GFRA1: variants seen among roughly 807,000 people sequenced by gnomAD.
The protein encoded by GFRA1 is GDNF family receptor alpha-1.
In GFRA1, 16 loss-of-function variants were observed where a neutral mutation model predicts 51.6. The ratio of observed to expected loss-of-function variants is 0.31; its 90% CI spans 0.21 to 0.47. GFRA1 has a LOEUF of 0.47. Ranked by LOEUF, GFRA1 falls within the 20% of genes least tolerant of loss-of-function variation. The pLI is 1.00. For synonymous variants in GFRA1, 270 were observed against 241.3 expected (o/e 1.12, Z -1.10); for missense variants, 530 against 594.3 (o/e 0.89, Z 1.13).
Position 116,255,665 on chromosome 10 carries a change from G to C in GFRA1, c.418+13838C>G. The stretch of plus-strand genomic sequence containing the variant: ...TCCACTCCCCACATCCCCACATTCC[G>C]GTCTCTGCCATCCCCTTCCAGAACT... On this transcript the variant is annotated intron_variant, in intron 4 of 10. Coordinates refer to ENST00000355422, the MANE Select transcript of GFRA1 (RefSeq NM_005264.8). 2.3e-6 allele frequency: 3 copies of C among 1,287,106 alleles called. No homozygotes were observed. The African/African-American group carries it at 4.6e-5, about 20-fold the overall frequency. The allele number at this position is 1,287,106 out of a possible 1,614,324, so 79.7% of individuals were successfully genotyped here. A position where few individuals can be genotyped will look rare whatever the true frequency, so the allele number is the denominator to read the frequency against.
At chr10:116,221,888 G>C (rs543768761) in intron 4 of GFRA1, among the ~76,000 whole-genome samples, 32 of 152,104 alleles carry the variant, frequency 2.1e-4, no homozygotes, top group African/African-American at 7.0e-4. Flanking sequence ...CTAAAATATT[G>C]CAACTGTTTC....
intron 4 of GFRA1, among the ~76,000 whole-genome samples, chr10:116,243,108 G>A (rs986131181): frequency 2.6e-5 from 4 of 151,992 alleles, no homozygotes; most frequent in Non-Finnish European, 5.9e-5. Context: ...ACATTTATGC[G>A]TCTCAAATTT....
chr10:116,207,760 A>G (rs1964893631), intron 5 of GFRA1, among the ~76,000 whole-genome samples: 1 of 152,200 alleles, frequency 6.6e-6, no homozygotes, highest in South Asian at 2.1e-4. Context: ...CCTTAAGGAC[A>G]GCAGATGTAA....
chr10:116,249,504 T>C (rs930650662), intron 4 of GFRA1, among the ~76,000 whole-genome samples: 1 of 152,150 alleles, frequency 6.6e-6, no homozygotes, highest in Non-Finnish European at 1.5e-5. Flanking sequence ...CTGACAAATT[T>C]TCTTTATCAT....
chr10:116,117,557 GTGGATGGATGGA>G (rs75233028), intron 6 of GFRA1, among the ~76,000 whole-genome samples: 1 of 97,348 alleles, frequency 1.0e-5, no homozygotes, highest in Admixed American at 1.1e-4. Context: ...GGGTGGGTGT[GTGGATGGATGGA>G]TGGATGGATG....
intron 6 of GFRA1, among the ~76,000 whole-genome samples, chr10:116,116,897 G>A (rs2694814): frequency 0.21 from 31,716 of 152,138 alleles, 3,393 homozygotes; most frequent in Middle Eastern, 0.26. Context: ...TGCTGTCTTA[G>A]TTGCTGAGCC....
chr10:116,211,370 C>A (rs1965180145), intron 5 of GFRA1, among the ~76,000 whole-genome samples: 1 of 152,170 alleles, frequency 6.6e-6, no homozygotes, highest in South Asian at 2.1e-4. Flanking sequence ...CAGCCACAGA[C>A]CCCTCTCCAA....
At chr10:116,117,244 T>G (rs1483067427) in intron 6 of GFRA1, among the ~76,000 whole-genome samples, 1 of 152,232 alleles carries the variant, frequency 6.6e-6, no homozygotes, top group African/African-American at 2.4e-5. Flanking sequence ...TGTTTTCTTT[T>G]TTTACTTCCT....
At position 116,165,997 on chromosome 10, in the gene GFRA1, G is replaced by A. The variant is rs921562727; in HGVS notation, c.434-40440C>T. ...CATTGTGTGTTGTTCCCCTCTGTGT[G>A]TTTATGTGTTCTTTTCATTTAGCTC... On this transcript the variant is annotated intron_variant, in intron 5 of 10. Transcript: ENST00000355422. Among the ~76,000 whole-genome samples, 11 of 152,232 alleles carry A rather than the reference G, an allele frequency of 7.2e-5. No homozygotes were observed. The East Asian group carries it at 1.7e-3, about 24-fold the overall frequency.
intron 4 of GFRA1, among the ~76,000 whole-genome samples, chr10:116,212,555 CACACACACACAT>C (rs1965277522): frequency 6.7e-6 from 1 of 149,756 alleles, no homozygotes. Context: ...CACACACACA[CACACACACACAT>C]CTAGTTAAAA....
chr10:116,212,487 T>C (rs1454300272), intron 4 of GFRA1, among the ~76,000 whole-genome samples: 1 of 150,310 alleles, frequency 6.7e-6, no homozygotes, highest in African/African-American at 2.5e-5. Flanking sequence ...TCCATTGCAC[T>C]CCAGCCTGGG....
intron 2 of GFRA1, among the ~76,000 whole-genome samples, chr10:116,271,528 GGCACCGGGCGC>G (rs1385558100): frequency 3.9e-5 from 6 of 152,246 alleles, no homozygotes; most frequent in Admixed American, 1.3e-4. Flanking sequence ...CGGCGGACTG[GGCACCGGGCGC>G]GCGCTGGGCG....
intron 5 of GFRA1, among the ~76,000 whole-genome samples, chr10:116,173,815 G>A (rs1397595818): frequency 6.6e-6 from 1 of 152,190 alleles, no homozygotes; most frequent in Middle Eastern, 3.4e-3. Flanking sequence ...GGTGGCTTAC[G>A]CCTGTAATCC....
chr10:116,172,244 T>G (rs1961100980), intron 5 of GFRA1, among the ~76,000 whole-genome samples: 1 of 152,128 alleles, frequency 6.6e-6, no homozygotes, highest in African/African-American at 2.4e-5. Flanking sequence ...TCACGACAAC[T>G]GACACACTAG....
chr10:116,240,145 T>C (rs993562001), intron 4 of GFRA1, among the ~76,000 whole-genome samples: 1 of 152,112 alleles, frequency 6.6e-6, no homozygotes, highest in Non-Finnish European at 1.5e-5. Flanking sequence ...CAAGTGACTG[T>C]TGAGCTTTAG....
intron 4 of GFRA1, among the ~76,000 whole-genome samples, chr10:116,216,612 C>CT (rs2134469474): frequency 6.6e-6 from 1 of 152,258 alleles, no homozygotes; most frequent in East Asian, 1.9e-4. Context: ...TCATACTACT[C>CT]TCTCAATTTT....
chr10:116,104,776 C>A (rs1341053952), intron 6 of GFRA1, among the ~76,000 whole-genome samples: 1 of 152,190 alleles, frequency 6.6e-6, no homozygotes. Flanking sequence ...CAGGGCTTGA[C>A]AGGTACTCTC....
intron 5 of GFRA1, among the ~76,000 whole-genome samples, chr10:116,174,045 A>G (rs1961328518): frequency 6.6e-6 from 1 of 151,868 alleles, no homozygotes; most frequent in Admixed American, 6.6e-5. Flanking sequence ...GCACCATTGC[A>G]CTCCAGCCTG....
chr10:116,124,063 C>G (rs114475346), intron 6 of GFRA1, among the ~76,000 whole-genome samples: 2 of 152,022 alleles, frequency 1.3e-5, no homozygotes, highest in Non-Finnish European at 2.9e-5. Context: ...CACTACCACG[C>G]CTGGCTATTG....
Sources: gnomAD v4.1 joint callset for allele counts (sites outside exome capture counted in the v4.1 genomes callset) on GRCh38, gnomAD v4.1.1 for gene constraint, MANE v1.5 for transcripts, NCBI Gene and HGNC (gene_info 2026-07-23, HGNC 2026-07-21) for gene names.